The following SNTB2 variants were observed in gnomAD, a reference collection of about 807,000 sequenced individuals.
The protein encoded by SNTB2 is syntrophin beta 2.
Under a neutral mutation model 46.2 loss-of-function variants are expected in SNTB2, and 34 were observed. The observed-to-expected ratio is 0.74, with a 90% confidence interval of 0.56 to 0.98. The LOEUF (loss-of-function observed/expected upper bound fraction) is 0.98, where lower values mean the gene tolerates loss of function less well. Among genes scored for constraint, SNTB2 ranks in the 50% least tolerant of loss-of-function variants. SNTB2 has a pLI of 0.00. For missense variants in SNTB2, 603 were observed against 731.4 expected, an observed-to-expected ratio of 0.82 and a Z score of 2.02; for synonymous variants, 290 against 312.6, an observed-to-expected ratio of 0.93 and a Z score of 0.76.
At chr16:69,261,873 C>G (rs1270067563) in intron 3 of SNTB2, among the ~76,000 whole-genome samples, 1 of 152,136 alleles carries the variant, frequency 6.6e-6, no homozygotes, top group Non-Finnish European at 1.5e-5. Context: ...AACTCTTATT[C>G]CTTTCTATTG....
At chr16:69,272,429 A>G (rs1279489620) in intron 4 of SNTB2, among the ~76,000 whole-genome samples, 2 of 150,712 alleles carry the variant, frequency 1.3e-5, no homozygotes, top group African/African-American at 4.9e-5. Context: ...AATCCCAGCT[A>G]CTCGGGAGGC....
At chr16:69,243,744 A>G (rs1197848512) in intron 1 of SNTB2, among the ~76,000 whole-genome samples, 1 of 152,114 alleles carries the variant, frequency 6.6e-6, no homozygotes, top group East Asian at 1.9e-4. Context: ...CAAGGGTTAT[A>G]CTGACTGCAC....
At position 69,299,605 on chromosome 16, in the gene SNTB2, G is replaced by A. The variant is rs780617363; in HGVS notation, c.1361G>A (p.Gly454Asp). Residue 454 changes from glycine (G) to aspartate (D), a missense_variant, in exon 6 of 7, where the codon GGC (glycine) becomes GAC (aspartate). Coordinates refer to ENST00000336278, the MANE Select transcript of SNTB2 (RefSeq NM_006750.4). ...TCTTCAACAGGCTGCATGTTAAATG[G>A]CCAAGAGGTGAGGCTTACTATTCAC... is the stretch of plus-strand genomic sequence containing the variant. Reference protein sequence around the residue: ...KEVSLGCMLNGQEVRLTIHYE... With the variant: ...KEVSLGCMLNDQEVRLTIHYE... The A allele has an allele frequency of 6.2e-7, 1 of 1,613,946 alleles. No homozygotes were observed. The highest frequency in any genetic ancestry group is 1.1e-5 in the South Asian group (1 of 91,066).
intron 2 of SNTB2, among the ~76,000 whole-genome samples, chr16:69,252,843 C>T (rs1313777349): frequency 6.6e-6 from 1 of 151,528 alleles, no homozygotes; most frequent in African/African-American, 2.4e-5. Flanking sequence ...GCAAAGTTTT[C>T]ATTGGAATTT....
chr16:69,294,688 A>G (rs768493393), intron 5 of SNTB2, among the ~76,000 whole-genome samples: 1 of 152,078 alleles, frequency 6.6e-6, no homozygotes, highest in Non-Finnish European at 1.5e-5. Context: ...AGCCGAGATC[A>G]TGCCACCACA....
chr16:69,293,683 G>A (rs911589873), intron 5 of SNTB2, among the ~76,000 whole-genome samples: 1 of 152,156 alleles, frequency 6.6e-6, no homozygotes, highest in African/African-American at 2.4e-5. Flanking sequence ...AGAGGCTTGA[G>A]CATTTAAAAA....
intron 1 of SNTB2, among the ~76,000 whole-genome samples, chr16:69,224,149 G>T (rs1597178492): frequency 6.6e-6 from 1 of 151,366 alleles, no homozygotes; most frequent in African/African-American, 2.4e-5. Flanking sequence ...TCTTAATCTA[G>T]TCATATAAAC....
intron 1 of SNTB2, among the ~76,000 whole-genome samples, chr16:69,189,036 C>T (rs569673911): frequency 5.3e-5 from 8 of 152,216 alleles, no homozygotes; most frequent in Admixed American, 6.5e-5. Flanking sequence ...AAGGACCAAT[C>T]GTCAAACCGA....
chr16:69,232,664 AAC>A (rs1433089992), intron 1 of SNTB2, among the ~76,000 whole-genome samples: 2 of 150,548 alleles, frequency 1.3e-5, no homozygotes, highest in Non-Finnish European at 3.0e-5. Context: ...GGCGTGCGCC[AAC>A]ACACCCAGCT....
intron 1 of SNTB2, among the ~76,000 whole-genome samples, chr16:69,198,097 GAT>G (rs1964121974): frequency 1.5e-5 from 2 of 136,262 alleles, no homozygotes; most frequent in African/African-American, 5.4e-5. Context: ...TAACAGAGTT[GAT>G]TTTTTTTTTT....
At chr16:69,264,247 AGCTAAGCCGAGGGCTCTC>A (rs1478821387) in intron 3 of SNTB2, among the ~76,000 whole-genome samples, 2 of 152,174 alleles carry the variant, frequency 1.3e-5, no homozygotes, top group Non-Finnish European at 2.9e-5. Context: ...GTTTAGCCCC[AGCTAAGCCGAGGGCTCTC>A]GCTCTTCTGG....
At chr16:69,190,985 T>C (rs1964045081) in intron 1 of SNTB2, 1 of 152,014 alleles carries the variant, frequency 6.6e-6, no homozygotes, top group African/African-American at 2.4e-5. Context: ...GTCACGAAGG[T>C]ATGCCACCAG....
intron 1 of SNTB2, among the ~76,000 whole-genome samples, chr16:69,216,683 G>GCC (rs534678075): frequency 2.0e-3 from 292 of 145,086 alleles, no homozygotes; most frequent in African/African-American, 5.8e-3. Context: ...GTGAGACCCT[G>GCC]CCCCCCCCCC....
intron 3 of SNTB2, among the ~76,000 whole-genome samples, chr16:69,265,547 G>A (rs1368324105): frequency 6.6e-6 from 1 of 152,044 alleles, no homozygotes; most frequent in African/African-American, 2.4e-5. Context: ...AAAATTTGGA[G>A]GCCCGGAGTG....
intron 5 of SNTB2, among the ~76,000 whole-genome samples, chr16:69,284,459 T>TAAAAAAAAAA (rs3087058): frequency 2.0e-4 from 9 of 45,906 alleles, no homozygotes; most frequent in African/African-American, 7.6e-4. Flanking sequence ...CCGTCTTTAC[T>TAAAAAAAAAA]AAAAAAAAAA....
At chr16:69,213,039 G>A (rs960206696) in intron 1 of SNTB2, among the ~76,000 whole-genome samples, 3 of 152,138 alleles carry the variant, frequency 2.0e-5, no homozygotes, top group African/African-American at 7.2e-5. Context: ...ATGGTTACAT[G>A]CTTGATCTTT....
chr16:69,192,187 C>G (rs1022939719), intron 1 of SNTB2, among the ~76,000 whole-genome samples: 3 of 152,162 alleles, frequency 2.0e-5, no homozygotes, highest in Non-Finnish European at 4.4e-5. Context: ...GAAAAGTAAT[C>G]CAAGCCAGAG....
At chr16:69,226,050 G>A (rs1169357328) in intron 1 of SNTB2, among the ~76,000 whole-genome samples, 9 of 151,204 alleles carry the variant, frequency 6.0e-5, no homozygotes, top group African/African-American at 2.2e-4. Flanking sequence ...TTAAAGGCAT[G>A]AGATGCCCAG....
At chr16:69,234,023 T>TA (rs1298249493) in intron 1 of SNTB2, among the ~76,000 whole-genome samples, 1 of 151,394 alleles carries the variant, frequency 6.6e-6, no homozygotes, top group African/African-American at 2.4e-5. Flanking sequence ...CTGTCTCTTT[T>TA]AAAAAAAGGA....
Sources: allele counts gnomAD v4.1 joint callset (sites outside exome capture counted in the v4.1 genomes callset), GRCh38; gene constraint gnomAD v4.1.1; transcripts MANE v1.5; gene names NCBI Gene and HGNC (gene_info 2026-07-23, HGNC 2026-07-21).